TENM3: variants seen among roughly 807,000 people sequenced by gnomAD.
TENM3 encodes the protein teneurin transmembrane protein 3.
A neutral mutation model predicts 255.1 loss-of-function variants in TENM3; 63 were observed. That is an observed-to-expected ratio of 0.25 (90% CI 0.20 to 0.30). The LOEUF is 0.30. TENM3 is among the 10% of genes least tolerant of loss of function. TENM3 has a pLI of 1.00. For synonymous variants in TENM3, 1,306 were observed against 1,322.3 expected, an observed-to-expected ratio of 0.99 and a Z score of 0.27; for missense variants, 2,929 against 3,461.1, an observed-to-expected ratio of 0.85 and a Z score of 3.86.
intron 3 of TENM3, among the ~76,000 whole-genome samples, chr4:182,403,152 A>G (rs1769319973): frequency 6.6e-6 from 1 of 152,228 alleles, no homozygotes; most frequent in African/African-American, 2.4e-5. Context: ...ACAGTTTGGC[A>G]AATACGGCAG....
intron 13 of TENM3, among the ~76,000 whole-genome samples, chr4:182,726,357 A>C (rs1220931439): frequency 6.6e-6 from 1 of 152,260 alleles, no homozygotes; most frequent in Non-Finnish European, 1.5e-5. Flanking sequence ...TGAAAAGCCC[A>C]GGAGGTCAAG....
intron 3 of TENM3, among the ~76,000 whole-genome samples, chr4:182,387,855 G>A (rs766915453): frequency 3.3e-5 from 5 of 151,058 alleles, no homozygotes; most frequent in Admixed American, 6.6e-5. Flanking sequence ...AGGGTCCGCA[G>A]CTTCATTCTT....
intron 3 of TENM3, among the ~76,000 whole-genome samples, chr4:182,410,748 G>GA (rs930407582): frequency 1.5e-4 from 23 of 149,774 alleles, no homozygotes; most frequent in East Asian, 7.8e-4. Flanking sequence ...AGCAAAAATG[G>GA]AAAAAAAAAT....
chr4:181,761,077 A>G, the TENM3 span, among the ~76,000 whole-genome samples: 1 of 151,774 alleles, frequency 6.6e-6, no homozygotes, highest in African/African-American at 2.4e-5. Context: ...TTAGTTGTTC[A>G]TATTTTAATC....
chr4:182,500,391 C>T (rs190792037), intron 3 of TENM3, among the ~76,000 whole-genome samples: 20 of 151,972 alleles, frequency 1.3e-4, no homozygotes, highest in Admixed American at 3.3e-4. Flanking sequence ...TAGCTAACAA[C>T]GAGAAAAATG....
At chr4:181,811,011 G>C in the TENM3 span, among the ~76,000 whole-genome samples, 2 of 152,170 alleles carry the variant, frequency 1.3e-5, no homozygotes, top group Non-Finnish European at 2.9e-5. Context: ...AAATTTGGAT[G>C]AGTTGATTTT....
chr4:182,554,919 C>T (rs1044727301), intron 3 of TENM3, among the ~76,000 whole-genome samples: 5 of 150,470 alleles, frequency 3.3e-5, no homozygotes, highest in African/African-American at 9.8e-5. Flanking sequence ...TTCTCTAAAG[C>T]CAGAGTAGTG....
chr4:182,178,515 G>A (rs923756386), intron 1 of TENM3, among the ~76,000 whole-genome samples: 1 of 152,080 alleles, frequency 6.6e-6, no homozygotes, highest in Admixed American at 6.6e-5. Context: ...CTAACACTGC[G>A]TAGAATCTGT....
the TENM3 span, among the ~76,000 whole-genome samples, chr4:181,795,964 A>G: frequency 2.0e-5 from 3 of 152,330 alleles, no homozygotes; most frequent in South Asian, 2.1e-4. Flanking sequence ...TCACTGTAGT[A>G]TCCAGACAAG....
At chr4:181,860,327 G>T in the TENM3 span, among the ~76,000 whole-genome samples, 1 of 152,102 alleles carries the variant, frequency 6.6e-6, no homozygotes, top group Non-Finnish European at 1.5e-5. Flanking sequence ...CTCCCAGTTG[G>T]CTTCTCCAGA....
At chr4:182,554,970 G>A (rs534038864) in intron 3 of TENM3, among the ~76,000 whole-genome samples, 14 of 151,820 alleles carry the variant, frequency 9.2e-5, no homozygotes, top group East Asian at 5.8e-4. Context: ...GTAGGGAGGC[G>A]GAACTATTGT....
intron 1 of TENM3, among the ~76,000 whole-genome samples, chr4:182,201,117 G>A (rs1308845734): frequency 7.2e-5 from 11 of 152,158 alleles, no homozygotes; most frequent in South Asian, 2.1e-4. Flanking sequence ...GAGCCACCAC[G>A]CCCAGCCTAG....
At chr4:181,514,156 A>C in the TENM3 span, among the ~76,000 whole-genome samples, 1 of 152,226 alleles carries the variant, frequency 6.6e-6, no homozygotes, top group African/African-American at 2.4e-5. Flanking sequence ...ACCTAATTCA[A>C]ATGAGATTTT....
the TENM3 span, among the ~76,000 whole-genome samples, chr4:181,914,383 C>A: frequency 6.6e-6 from 1 of 152,168 alleles, no homozygotes. Context: ...ATCCTGCAGG[C>A]AAAATGAATG....
chr4:182,736,682 GAGTAA>G (rs1227930021), intron 16 of TENM3, 121 bp from the exon 17 acceptor site: 1 of 902,348 alleles, frequency 1.1e-6, no homozygotes, highest in Non-Finnish European at 1.6e-6. Flanking sequence ...TTGTCTTTGT[GAGTAA>G]GTAAACTAAG....
chr4:182,014,086 ATATACGTGTATATACG>A, the TENM3 span, among the ~76,000 whole-genome samples: 23 of 100,110 alleles, frequency 2.3e-4, no homozygotes, highest in African/African-American at 7.0e-4. Context: ...ATATACGTAT[ATATACGTGTATATACG>A]TATATACACA....
intron 3 of TENM3, among the ~76,000 whole-genome samples, chr4:182,489,293 A>T (rs1050881679): frequency 6.6e-6 from 1 of 152,154 alleles, no homozygotes; most frequent in African/African-American, 2.4e-5. Context: ...TTTCTTCTCT[A>T]ATTTTTTATG....
At chr4:182,654,925 C>T (rs1337273051) in intron 6 of TENM3, among the ~76,000 whole-genome samples, 6 of 151,880 alleles carry the variant, frequency 4.0e-5, no homozygotes, top group East Asian at 3.9e-4. Flanking sequence ...AGGAATTTTA[C>T]GACATTCGAT....
At chr4:182,695,551 T>C (rs555654981) in intron 12 of TENM3, among the ~76,000 whole-genome samples, 360 of 152,258 alleles carry the variant, frequency 2.4e-3, no homozygotes, top group Non-Finnish European at 4.2e-3. Context: ...GTGAAATCAC[T>C]TCTCTCTGTG....
Sources: allele counts gnomAD v4.1 joint callset (sites outside exome capture counted in the v4.1 genomes callset), GRCh38; gene constraint gnomAD v4.1.1; transcripts MANE v1.5; gene names NCBI Gene and HGNC (gene_info 2026-07-23, HGNC 2026-07-21).